CALN1: variants seen among roughly 807,000 people sequenced by gnomAD.
CALN1 encodes the protein calneuron 1, also known as calcium-binding protein 8.
A neutral mutation model predicts 30.6 loss-of-function variants in CALN1; 17 were observed. The ratio of observed to expected loss-of-function variants is 0.56; its 90% CI spans 0.38 to 0.83. CALN1 has a LOEUF of 0.83. Among genes scored for constraint, CALN1 ranks in the 40% least tolerant of loss-of-function variants. CALN1 has a pLI of 0.00. For missense variants in CALN1, 291 were observed against 354.9 expected (o/e 0.82, Z 1.45); for synonymous variants, 156 against 131.4 (o/e 1.19, Z -1.28).
intron 2 of CALN1, among the ~76,000 whole-genome samples, chr7:72,344,640 TTA>T (rs1462727814): frequency 8.2e-6 from 1 of 122,234 alleles, no homozygotes; most frequent in African/African-American, 2.6e-5. Context: ...AAATATATAT[TTA>T]TATTTTTTTA....
rs181976358 is a variant in CALN1, at chr7:71,949,286, T to A, written c.501+74371A>T. Among the ~76,000 whole-genome samples the A allele has an allele frequency of 4.6e-5, 7 of 152,240 alleles. No individual in the cohort carries two copies. The East Asian group carries it at 1.4e-3, about 29-fold the overall frequency. ...CTATGACAGAACTATCCTCTCCATT[T>A]ACAAAGGGTGTACGTCGAGTAAGTG... On this transcript the variant is annotated intron_variant, in intron 5 of 6. Coordinates refer to ENST00000395275, the MANE Select transcript of CALN1 (RefSeq NM_031468.4).
intron 3 of CALN1, among the ~76,000 whole-genome samples, chr7:72,164,349 CAAAA>C (rs71531792): frequency 5.1e-5 from 6 of 117,428 alleles, no homozygotes; most frequent in African/African-American, 6.5e-5. Flanking sequence ...AACACTCCGT[CAAAA>C]AAAAAAAAAA....
intron 2 of CALN1, among the ~76,000 whole-genome samples, chr7:72,303,220 T>C (rs1229209750): frequency 6.6e-6 from 1 of 151,998 alleles, no homozygotes; most frequent in African/African-American, 2.4e-5. Context: ...ATTCTAACAA[T>C]GAGGTGAGAG....
At chr7:72,298,988 C>G (rs1799059481) in intron 2 of CALN1, among the ~76,000 whole-genome samples, 1 of 152,094 alleles carries the variant, frequency 6.6e-6, no homozygotes, top group Non-Finnish European at 1.5e-5. Flanking sequence ...TGTCCAGTCT[C>G]TGGTATGTCT....
chr7:72,015,200 G>A (rs1386983774), intron 5 of CALN1, among the ~76,000 whole-genome samples: 1 of 152,302 alleles, frequency 6.6e-6, no homozygotes, highest in East Asian at 1.9e-4. Flanking sequence ...AGCCTGGAAG[G>A]AAGCAAGGGT....
chr7:71,983,559 T>A (rs1798511058), intron 5 of CALN1, among the ~76,000 whole-genome samples: 1 of 152,028 alleles, frequency 6.6e-6, no homozygotes, highest in East Asian at 1.9e-4. Context: ...GAGACGGAAT[T>A]TTGCGAGTGT....
intron 3 of CALN1, among the ~76,000 whole-genome samples, chr7:72,125,940 T>C (rs1271518579): frequency 1.3e-5 from 2 of 151,802 alleles, no homozygotes; most frequent in Non-Finnish European, 2.9e-5. Context: ...GTAGGGATTA[T>C]AGGCGCGTGC....
At chr7:72,307,580 T>C (rs1046435380) in intron 2 of CALN1, among the ~76,000 whole-genome samples, 2 of 152,194 alleles carry the variant, frequency 1.3e-5, no homozygotes, top group Non-Finnish European at 2.9e-5. Flanking sequence ...ATAGCTATGA[T>C]ATGATATTAT....
chr7:72,338,525 G>GTGTGTGTGTGTGTGTCTGTCTGTCTGTC, intron 2 of CALN1, among the ~76,000 whole-genome samples: 8 of 122,378 alleles, frequency 6.5e-5, no homozygotes, highest in African/African-American at 1.9e-4. Context: ...GTGTGTGTGT[G>GTGTGTGTGTGTGTGTCTGTCTGTCTGTC]TGTCTCACCT....
chr7:72,395,852 C>T (rs1805899997), intron 2 of CALN1, among the ~76,000 whole-genome samples: 1 of 152,082 alleles, frequency 6.6e-6, no homozygotes, highest in South Asian at 2.1e-4. Flanking sequence ...CTTCTGGGAC[C>T]TTGGCAGGGA....
At chr7:71,899,885 A>C (rs1314969359) in intron 5 of CALN1, among the ~76,000 whole-genome samples, 1 of 152,236 alleles carries the variant, frequency 6.6e-6, no homozygotes, top group Non-Finnish European at 1.5e-5. Flanking sequence ...TCACATAAAT[A>C]AATGTAAGCT....
intron 2 of CALN1, among the ~76,000 whole-genome samples, chr7:72,373,286 G>A (rs576906626): frequency 1.6e-3 from 237 of 152,278 alleles, no homozygotes; most frequent in Admixed American, 2.9e-3. Flanking sequence ...TACTATTTGT[G>A]TAATTACAGT....
intron 5 of CALN1, among the ~76,000 whole-genome samples, chr7:71,811,460 C>A (rs546748640): frequency 2.0e-4 from 30 of 152,086 alleles, no homozygotes; most frequent in South Asian, 4.2e-4. Flanking sequence ...CCTGCCTTGG[C>A]CTCCTGAAAG....
At chr7:72,040,939 G>A (rs113458267) in intron 4 of CALN1, among the ~76,000 whole-genome samples, 2 of 152,342 alleles carry the variant, frequency 1.3e-5, no homozygotes, top group African/African-American at 4.8e-5. Flanking sequence ...GTATCTTGGT[G>A]TAGCAGCCCA....
chr7:71,936,724 C>A (rs1220271958), intron 5 of CALN1, among the ~76,000 whole-genome samples: 1 of 152,146 alleles, frequency 6.6e-6, no homozygotes, highest in African/African-American at 2.4e-5. Flanking sequence ...CTCCATTAGT[C>A]ATATGGTCTG....
chr7:72,407,598 T>G (rs917544006), intron 1 of CALN1, among the ~76,000 whole-genome samples: 51 of 152,282 alleles, frequency 3.3e-4, no homozygotes, highest in African/African-American at 1.2e-3. Context: ...ACCATAATTG[T>G]AAGTTTCCTG....
At chr7:72,194,213 G>A (rs1172157309) in intron 3 of CALN1, among the ~76,000 whole-genome samples, 1 of 152,212 alleles carries the variant, frequency 6.6e-6, no homozygotes, top group Non-Finnish European at 1.5e-5. Context: ...CTTTGACTGG[G>A]TAGATGGCTA....
chr7:71,967,639 A>AAAAAAAAG (rs555970609), intron 5 of CALN1, among the ~76,000 whole-genome samples: 12 of 142,640 alleles, frequency 8.4e-5, no homozygotes, highest in East Asian at 4.1e-4. Context: ...AAAAAAAAAA[A>AAAAAAAAG]AAAGAAAGAA....
At chr7:72,346,910 T>C (rs1265293024) in intron 2 of CALN1, among the ~76,000 whole-genome samples, 2 of 152,124 alleles carry the variant, frequency 1.3e-5, no homozygotes, top group African/African-American at 4.8e-5. Flanking sequence ...TAAAGCAAAT[T>C]GGACACAGTA....
Sources: allele counts gnomAD v4.1 joint callset (sites outside exome capture counted in the v4.1 genomes callset), GRCh38; gene constraint gnomAD v4.1.1; transcripts MANE v1.5; gene names NCBI Gene and HGNC (gene_info 2026-07-23, HGNC 2026-07-21).